FIP1L1: variants seen among roughly 807,000 people sequenced by gnomAD.
FIP1L1 encodes the protein pre-mRNA 3'-end-processing factor FIP1.
Under a neutral mutation model 84.6 loss-of-function variants are expected in FIP1L1, and 21 were observed. That is an observed-to-expected ratio of 0.25 (90% CI 0.18 to 0.36). The LOEUF (loss-of-function observed/expected upper bound fraction) is 0.36, where lower values mean the gene tolerates loss of function less well. Ranked by LOEUF, FIP1L1 falls within the 10% of genes least tolerant of loss-of-function variation. The pLI, the probability that FIP1L1 is intolerant of heterozygous loss-of-function variation, is 1.00. For missense variants in FIP1L1, 526 were observed against 751.1 expected, an observed-to-expected ratio of 0.70 and a Z score of 3.50; for synonymous variants, 263 against 242.3, an observed-to-expected ratio of 1.09 and a Z score of -0.80.
At chr4:53,456,415 T>C (rs1480723873) in intron 16 of FIP1L1, among the ~76,000 whole-genome samples, 1 of 152,120 alleles carries the variant, frequency 6.6e-6, no homozygotes. Flanking sequence ...TTTACCTAAA[T>C]TTGACTAAAA....
intron 9 of FIP1L1, among the ~76,000 whole-genome samples, chr4:53,394,153 A>G (rs1435372781): frequency 6.6e-6 from 1 of 152,112 alleles, no homozygotes; most frequent in African/African-American, 2.4e-5. Context: ...CAGTAATGCA[A>G]TATCTTTTTC....
At chr4:53,420,431 A>G (rs1411027678) in intron 11 of FIP1L1, among the ~76,000 whole-genome samples, 3 of 81,556 alleles carry the variant, frequency 3.7e-5, no homozygotes, top group East Asian at 5.3e-4. Flanking sequence ...CTCCATCTCA[A>G]AAAAAAAAAA....
intron 9 of FIP1L1, among the ~76,000 whole-genome samples, chr4:53,396,098 T>C (rs866208117): frequency 3.9e-5 from 6 of 152,204 alleles, no homozygotes; most frequent in Middle Eastern, 3.4e-3. Context: ...TTTGTATTTT[T>C]AGTAGAGACA....
At chr4:53,436,693 T>C (rs948493154) in intron 13 of FIP1L1, among the ~76,000 whole-genome samples, 3 of 152,234 alleles carry the variant, frequency 2.0e-5, no homozygotes, top group Non-Finnish European at 4.4e-5. Flanking sequence ...AATGAGTTTA[T>C]AGACAATCTG....
At chr4:53,421,054 T>TA (rs1330728546) in intron 11 of FIP1L1, among the ~76,000 whole-genome samples, 1 of 152,182 alleles carries the variant, frequency 6.6e-6, no homozygotes, top group East Asian at 1.9e-4. Flanking sequence ...TAGTCTGGTG[T>TA]ACACCCTGTG....
intron 16 of FIP1L1, among the ~76,000 whole-genome samples, chr4:53,456,857 A>G: frequency 6.6e-6 from 1 of 152,106 alleles, no homozygotes; most frequent in East Asian, 1.9e-4. Flanking sequence ...TAAAGGCTCC[A>G]GGTTCAACAA....
chr4:53,423,931 T>G (rs1012563682), intron 11 of FIP1L1, among the ~76,000 whole-genome samples: 3 of 152,078 alleles, frequency 2.0e-5, no homozygotes, highest in African/African-American at 7.2e-5. Context: ...AAACTAGAGA[T>G]CCTCAGAAAT....
At chr4:53,388,494 C>T (rs1372391284) in intron 5 of FIP1L1, among the ~76,000 whole-genome samples, 1 of 152,200 alleles carries the variant, frequency 6.6e-6, no homozygotes, top group African/African-American at 2.4e-5. Flanking sequence ...ACCCCCATGC[C>T]TGGCTAGTTT....
chr4:53,387,758 A>C (rs1741898481), intron 5 of FIP1L1, among the ~76,000 whole-genome samples: 1 of 152,262 alleles, frequency 6.6e-6, no homozygotes, highest in Non-Finnish European at 1.5e-5. Flanking sequence ...GTAAGAGAAC[A>C]GTTTAGAGAA....
At chr4:53,406,088 G>C (rs1226647812) in intron 10 of FIP1L1, among the ~76,000 whole-genome samples, 3 of 152,078 alleles carry the variant, frequency 2.0e-5, no homozygotes, top group Non-Finnish European at 2.9e-5. Context: ...TCTTGTGCCA[G>C]TTTTCAAAGG....
Position 53,388,622 on chromosome 4 carries a change from G to A in FIP1L1, c.333-1187G>A, listed in dbSNP as rs796792609. Among the ~76,000 whole-genome samples the A allele has an allele frequency of 7.9e-5, 12 of 152,138 alleles. No individual in the cohort carries two copies. The South Asian group carries it at 8.3e-4, about 10-fold the overall frequency. On this transcript the variant is annotated intron_variant, in intron 5 of 17. Transcript: ENST00000337488. ...AGTGCTGGGATTACAGGCGTGAGCCGCCGTGCCCGGCCGTCTTACTGATAT... is the reference window on the plus strand; with the variant it reads ...AGTGCTGGGATTACAGGCGTGAGCCACCGTGCCCGGCCGTCTTACTGATAT...
At chr4:53,417,458 A>G (rs1205870402) in intron 11 of FIP1L1, among the ~76,000 whole-genome samples, 2 of 151,986 alleles carry the variant, frequency 1.3e-5, no homozygotes, top group Admixed American at 6.6e-5. Context: ...CCTGACCAAC[A>G]TGGAGAAACC....
intron 16 of FIP1L1, among the ~76,000 whole-genome samples, chr4:53,458,045 G>T (rs1720322016): frequency 6.6e-6 from 1 of 152,148 alleles, no homozygotes; most frequent in African/African-American, 2.4e-5. Flanking sequence ...ATGTCAGAAT[G>T]CAGGTATGTC....
intron 10 of FIP1L1, among the ~76,000 whole-genome samples, chr4:53,406,110 G>T (rs1297896304): frequency 6.6e-6 from 1 of 152,120 alleles, no homozygotes; most frequent in Non-Finnish European, 1.5e-5. Flanking sequence ...AATGCTTCCA[G>T]TTTTTGCCCA....
At chr4:53,438,604 AC>A (rs1174534065) in intron 13 of FIP1L1, among the ~76,000 whole-genome samples, 4 of 152,278 alleles carry the variant, frequency 2.6e-5, no homozygotes, top group African/African-American at 9.6e-5. Context: ...GATTGGAAAG[AC>A]CTATAAATGA....
In FIP1L1 at chr4:53,459,836, C is replaced by G; in HGVS notation, c.*387C>G. ...TAAGAGGCTGCATCACAAAAGGCAA[C>G]AAAGGGCCCCTCTAAGGCTTGAGAT... On this transcript the variant is annotated 3_prime_UTR_variant, in exon 18 of 18. Transcript: ENST00000337488. The G allele has an allele frequency of 3.9e-6, 1 of 257,688 alleles. No homozygotes were observed. 16.0% of individuals were successfully genotyped at this position (257,688 alleles called of 1,614,324 possible).
chr4:53,450,595 A>C (rs565900745), intron 15 of FIP1L1, among the ~76,000 whole-genome samples: 1 of 152,300 alleles, frequency 6.6e-6, no homozygotes, highest in East Asian at 1.9e-4. Flanking sequence ...TGAGGTGGGA[A>C]GATCACTTGA....
chr4:53,446,047 A>C (rs1046713351), intron 15 of FIP1L1, among the ~76,000 whole-genome samples: 3 of 152,184 alleles, frequency 2.0e-5, no homozygotes, highest in African/African-American at 4.8e-5. Flanking sequence ...AGAAATAGGT[A>C]CCAGTCATAC....
At chr4:53,387,423 AC>A (rs1741695866) in intron 5 of FIP1L1, among the ~76,000 whole-genome samples, 2 of 151,966 alleles carry the variant, frequency 1.3e-5, no homozygotes. Flanking sequence ...TACTGCTCCC[AC>A]CTCCCACAAA....
Sources: allele counts gnomAD v4.1 joint callset (sites outside exome capture counted in the v4.1 genomes callset), GRCh38; gene constraint gnomAD v4.1.1; transcripts MANE v1.5; gene names NCBI Gene and HGNC (gene_info 2026-07-23, HGNC 2026-07-21).